Variants in SLC22A7 observed in about 807,000 individuals in gnomAD.
The protein encoded by SLC22A7 is solute carrier family 22 member 7.
In SLC22A7, 48 loss-of-function variants were observed where a neutral mutation model predicts 62.2. That is an observed-to-expected ratio of 0.77 (90% CI 0.61 to 0.98). The LOEUF (loss-of-function observed/expected upper bound fraction) is 0.98. SLC22A7 is among the 50% of genes least tolerant of loss of function. SLC22A7 has a pLI of 0.00. For synonymous variants in SLC22A7, 276 were observed against 314.8 expected, an observed-to-expected ratio of 0.88 and a Z score of 1.30; for missense variants, 581 against 703.8, an observed-to-expected ratio of 0.83 and a Z score of 1.97.
rs1778670987 is a variant in SLC22A7 at position 43,299,790 on chromosome 6, G to A, written c.658+9G>A. The A allele has an allele frequency of 1.2e-6, 2 of 1,614,204 alleles. No homozygotes were observed. Among genetic ancestry groups the A allele is most frequent in the African/African-American group, 1.3e-5 (1 of 75,054 alleles). ...CATCGTGATGCCACTGGGTGAGGCA[G>A]GCAAGAAACAGGCAGGACCTAGAGG... On this transcript the variant is annotated intron_variant, in intron 4 of 10. Coordinates refer to ENST00000372585, the MANE Select transcript of SLC22A7 (RefSeq NM_153320.2). This position sits in a 1 kb window ranked among gnomAD's most constrained non-coding sequence, Gnocchi z 4.4.
rs1778642878 is a variant in SLC22A7, at chr6:43,299,142, G to A, written c.399+45G>A. ...ATCTGGAGGTGGAATGTCGGTGGAG[G>A]CAGTCTCCCTGGGAGGCAGCAGGTC... is the stretch of plus-strand genomic sequence containing the variant. On this transcript the variant is annotated intron_variant, in intron 2 of 10. Transcript: ENST00000372585. This position sits in a 1 kb window ranked among gnomAD's most constrained non-coding sequence, Gnocchi z 4.4. 2 of 1,614,056 alleles carry A rather than the reference G, an allele frequency of 1.2e-6. No individual in the cohort carries two copies. Among genetic ancestry groups the A allele is most frequent in the East Asian group, 4.5e-5 (2 of 44,886 alleles).
chr6:43,301,837 C>A, intron 7 of SLC22A7, 145 bp downstream of exon 7: 1 of 626,188 alleles, frequency 1.6e-6, no homozygotes, highest in Non-Finnish European at 2.8e-6. Flanking sequence ...GGGCGATCTG[C>A]CTGGGGAAGT....
At chr6:43,296,938 T>C (rs1183407419), upstream of SLC22A7, among the ~76,000 whole-genome samples, 1 of 151,786 alleles carries the variant, frequency 6.6e-6, no homozygotes, top group African/African-American at 2.4e-5. Flanking sequence ...ACAGGGAGGG[T>C]TAGCTTATTT....
chr6:43,296,641 A>C (rs1352694852), upstream of SLC22A7, among the ~76,000 whole-genome samples: 1 of 152,178 alleles, frequency 6.6e-6, no homozygotes, highest in South Asian at 2.1e-4. Context: ...ATGAGGAGGA[A>C]GCCACATTGT....
intron 5 of SLC22A7, 143 bp from the exon 6 acceptor site, chr6:43,300,992 G>T: frequency 2.9e-6 from 3 of 1,030,876 alleles, no homozygotes. Context: ...CATCAAGTGT[G>T]GAGGGCTTGG....
chr6:43,304,459 A>G, intron 10 of SLC22A7: 1 of 589,440 alleles, frequency 1.7e-6, no homozygotes, highest in Admixed American at 3.4e-5. Flanking sequence ...TATGAACACA[A>G]ATACATAAGG....
At chr6:43,303,782 T>C (rs909907632) in intron 9 of SLC22A7, among the ~76,000 whole-genome samples, 1 of 152,228 alleles carries the variant, frequency 6.6e-6, no homozygotes, top group African/African-American at 2.4e-5. Flanking sequence ...CCCAGTCTGG[T>C]GACTTGTCTT....
rs1450515084 is a variant in SLC22A7 at position 43,304,240 on chromosome 6, A to C, written c.1588A>C (p.Lys530Gln). ...LPETIQDVER[K>Q]SAPTSLQEEE... ...AGAGACCATCCAGGACGTGGAGAGA[A>C]AGAGGTGTGTGCACAGGACTGTGTC... Residue 530 changes from lysine to glutamine, a missense_variant, in exon 10 of 11, where the codon AAG becomes CAG. Physicochemically the swap from Lys to Gln is moderately conservative, Grantham distance 53. Transcript: ENST00000372585. 3.2e-6 allele frequency: 5 copies of C among 1,556,368 alleles called. No individual in the cohort carries two copies. Among genetic ancestry groups the C allele is most frequent in the Non-Finnish European group, 3.5e-6 (4 of 1,149,694 alleles).
At position 43,299,172 on chromosome 6, in the gene SLC22A7, C is replaced by G; in HGVS notation, c.399+75C>G. 6.2e-7 allele frequency: 1 copy of G among 1,614,130 alleles called. No homozygotes were observed. The highest frequency in any genetic ancestry group is 1.1e-5 in the South Asian group (1 of 91,084). On this transcript the variant is annotated intron_variant, in intron 2 of 10. Transcript: ENST00000372585. This position sits in a 1 kb window ranked among gnomAD's most constrained non-coding sequence, Gnocchi z 4.4. The stretch of plus-strand genomic sequence containing the variant: ...CTCCCTGGGAGGCAGCAGGTCGAGG[C>G]CTTCCTTGGGAAGAAGCTGAGGCTG...
chr6:43,301,729 G>C, intron 7 of SLC22A7, 37 bp downstream of exon 7: 1 of 1,497,674 alleles, frequency 6.7e-7, no homozygotes, highest in Non-Finnish European at 9.2e-7. Flanking sequence ...TGGGTGTGGT[G>C]GGAGGGAGGA....
At chr6:43,304,466 A>G (rs1778871377) in intron 10 of SLC22A7, 2 of 590,510 alleles carry the variant, frequency 3.4e-6, no homozygotes, top group Admixed American at 6.7e-5. Flanking sequence ...ACAAATACAT[A>G]AGGTTGTTCA....
At chr6:43,297,799 G>C (rs1392699436), upstream of SLC22A7, among the ~76,000 whole-genome samples, 1 of 152,216 alleles carries the variant, frequency 6.6e-6, no homozygotes, top group African/African-American at 2.4e-5. Flanking sequence ...CCCAGCAGGG[G>C]AGAGGGATGC....
chr6:43,302,721 C>A lies in SLC22A7; in HGVS notation c.1343C>A (p.Thr448Asn). Residue 448 changes from threonine to asparagine, a missense_variant, in exon 9 of 11, where the codon ACT becomes AAT. Transcript: ENST00000372585. The surrounding 1 kb of genome is among the most constrained non-coding windows in gnomAD (Gnocchi z 5.0). ...GKAFSEAAFTTAYLFTSELYP... is the reference protein window; with the variant it reads ...GKAFSEAAFTNAYLFTSELYP... ...GCTTTTTCTGAAGCTGCCTTCACCA[C>A]TGCCTACCTGTTCACTTCAGAGTTG... 1 of 1,610,188 alleles carries A rather than the reference C, an allele frequency of 6.2e-7. No homozygotes were observed. The highest frequency in any genetic ancestry group is 8.5e-7 in the Non-Finnish European group (1 of 1,177,860).
Position 43,299,798 on chromosome 6 carries a change from A to G in SLC22A7, c.658+17A>G. 6.2e-7 allele frequency: 1 copy of G among 1,614,212 alleles called. No individual in the cohort carries two copies. The highest frequency in any genetic ancestry group is 1.3e-5 in the African/African-American group (1 of 75,058). On this transcript the variant is annotated intron_variant, in intron 4 of 10. Transcript: ENST00000372585. The surrounding 1 kb of genome is among the most constrained non-coding windows in gnomAD (Gnocchi z 4.4). ...TGCCACTGGGTGAGGCAGGCAAGAA[A>G]CAGGCAGGACCTAGAGGGCTGGAAG...
Position 43,299,699 on chromosome 6 carries a change from C to T in SLC22A7, c.576C>T (p.Ser192=), listed in dbSNP as rs559322938. ...TLVLGLASAA[S]VSYVMFAITR... ...TGCTGGGCCTGGCATCTGCAGCCTC[C>T]GTCAGCTATGTAATGTTTGCCATCA... Residue 192 remains serine (S), a synonymous_variant, in exon 4 of 11, where the codon TCC becomes TCT. Coordinates refer to ENST00000372585, the MANE Select transcript of SLC22A7 (RefSeq NM_153320.2). This position sits in a 1 kb window ranked among gnomAD's most constrained non-coding sequence, Gnocchi z 4.4. The T allele has an allele frequency of 1.2e-4, 186 of 1,614,152 alleles. No homozygotes were observed. The highest frequency in any genetic ancestry group is 4.3e-4 in the Admixed American group (26 of 60,016).
intron 7 of SLC22A7, 36 bp downstream of exon 7, chr6:43,301,728 T>C (rs200400328): frequency 5.4e-6 from 8 of 1,492,714 alleles, no homozygotes; most frequent in Admixed American, 5.3e-5. Flanking sequence ...ATGGGTGTGG[T>C]GGGAGGGAGG....
In SLC22A7 at chr6:43,302,592, T is replaced by C. The variant is rs778602019; in HGVS notation, c.1277-63T>C. On this transcript the variant is annotated intron_variant, in intron 8 of 10. Transcript: ENST00000372585. The surrounding 1 kb of genome is among the most constrained non-coding windows in gnomAD (Gnocchi z 5.0). ...GGCCCACTCTGGAGACTCCGCACCC[T>C]ATCCAGAACACCCCTGGCTCTCCTC... The C allele has an allele frequency of 1.6e-5, 21 of 1,334,122 alleles. No homozygotes were observed. Among genetic ancestry groups the C allele is most frequent in the Non-Finnish European group, 2.2e-5 (21 of 949,356 alleles). 82.6% of individuals were successfully genotyped at this position (1,334,122 alleles called of 1,614,324 possible).
rs779084187 is a variant in SLC22A7, at chr6:43,299,567, T to G, written c.504-60T>G. ...CCCACTAGCTGGGGTATGAGCCTAG[T>G]CTACCTATGCCTTAGAACCTCCTTC... is the stretch of plus-strand genomic sequence containing the variant. On this transcript the variant is annotated intron_variant, in intron 3 of 10. Coordinates refer to ENST00000372585, the MANE Select transcript of SLC22A7 (RefSeq NM_153320.2). The surrounding 1 kb of genome is among the most constrained non-coding windows in gnomAD (Gnocchi z 4.4). 1 of 1,611,610 alleles carries G rather than the reference T, an allele frequency of 6.2e-7. No homozygotes were observed. The highest frequency in any genetic ancestry group is 8.5e-7 in the Non-Finnish European group (1 of 1,178,086).
chr6:43,303,200 C>A, intron 9 of SLC22A7: 1 of 982,254 alleles, frequency 1.0e-6, no homozygotes, highest in Non-Finnish European at 1.2e-6. Flanking sequence ...GTGGCTCACG[C>A]CTGTAATCCC....
Sources: gnomAD v4.1 joint callset for allele counts (sites outside exome capture counted in the v4.1 genomes callset) on GRCh38, gnomAD v4.1.1 for gene constraint, Gnocchi (gnomAD v3.1) non-coding constraint, MANE v1.5 for transcripts, NCBI Gene and HGNC (gene_info 2026-07-23, HGNC 2026-07-21) for gene names.